Variants in MAPRE2 observed in about 807,000 individuals in gnomAD.
MAPRE2 encodes the protein microtubule associated protein RP/EB family member 2.
MAPRE2 carries 13 observed loss-of-function variants against 43.2 expected under a neutral mutation model. The observed-to-expected ratio is 0.30, with a 90% confidence interval of 0.20 to 0.48. MAPRE2 has a LOEUF of 0.48. Among genes scored for constraint, MAPRE2 ranks in the 20% least tolerant of loss-of-function variants. MAPRE2 has a pLI of 0.99. For synonymous variants in MAPRE2, 135 were observed against 148.8 expected (o/e 0.91, Z 0.68); for missense variants, 161 against 400.2 (o/e 0.40, Z 5.10).
At position 35,107,585 on chromosome 18, in the gene MAPRE2, G is replaced by T. The variant is rs16966463; in HGVS notation, c.610+5426G>T. Among the ~76,000 whole-genome samples the T allele has an allele frequency of 4.0e-3, 610 of 152,198 alleles. 5 individuals carry two copies. The highest frequency in any genetic ancestry group is 0.014 in the African/African-American group (578 of 41,512). ...CAGTAAAAAATAGCAGTAAGGAGTG[G>T]TTTTCATCCTTGTTCTGATCTTGGC... On this transcript the variant is annotated intron_variant, in intron 4 of 6. Transcript: ENST00000300249.
At chr18:35,127,148 C>T in intron 5 of MAPRE2, 61 bp downstream of exon 5, 1 of 1,563,520 alleles carries the variant, frequency 6.4e-7, no homozygotes, top group Non-Finnish European at 8.8e-7. Context: ...GGTAGGGGGC[C>T]TAGGATCCCC....
intron 1 of MAPRE2, among the ~76,000 whole-genome samples, chr18:34,992,477 A>G (rs2097024314): frequency 6.6e-6 from 1 of 152,218 alleles, no homozygotes; most frequent in African/African-American, 2.4e-5. Context: ...AGCCAACTCA[A>G]TTCACTTTTG....
At chr18:35,011,407 A>G (rs2097034595) in intron 2 of MAPRE2, among the ~76,000 whole-genome samples, 1 of 152,232 alleles carries the variant, frequency 6.6e-6, no homozygotes, top group Non-Finnish European at 1.5e-5. Flanking sequence ...CATATTAATG[A>G]AATTGAAAGA....
rs928197578 is a variant in MAPRE2 at position 35,032,504 on chromosome 18, G to A, written c.-8+26951G>A. ...TTCTAGATGAACCATATGTGTTGGA[G>A]AAGTGGAGGGATGATGATTTCTGTC... On this transcript the variant is annotated intron_variant, in intron 2 of 7. Coordinates refer to the MAPRE2 transcript ENST00000413393. 3.9e-5 allele frequency among the ~76,000 whole-genome samples: 6 copies of A among 152,162 alleles called. No homozygotes were observed. In the East Asian group the frequency reaches 9.6e-4, roughly 24 times the overall value.
At chr18:35,058,980 C>A (rs189840684) in intron 1 of MAPRE2, among the ~76,000 whole-genome samples, 2 of 152,124 alleles carry the variant, frequency 1.3e-5, no homozygotes. Flanking sequence ...TAAACCTCTC[C>A]GAGTCTGTAT....
chr18:34,999,809 C>T (rs1258717526), intron 1 of MAPRE2, among the ~76,000 whole-genome samples: 1 of 152,074 alleles, frequency 6.6e-6, no homozygotes, highest in Non-Finnish European at 1.5e-5. Flanking sequence ...TTTTTGGTTT[C>T]CCTGTTGTGT....
intron 2 of MAPRE2, among the ~76,000 whole-genome samples, chr18:35,020,501 A>G (rs1357271214): frequency 6.6e-6 from 1 of 151,220 alleles, no homozygotes; most frequent in Non-Finnish European, 1.5e-5. Flanking sequence ...AACCATTTGC[A>G]CCCTCTTTTA....
intron 2 of MAPRE2, among the ~76,000 whole-genome samples, chr18:35,088,026 A>C (rs1475980507): frequency 6.6e-6 from 1 of 152,236 alleles, no homozygotes; most frequent in Non-Finnish European, 1.5e-5. Context: ...CATCCATTTC[A>C]GGAGGGCTGA....
At chr18:35,111,934 A>G (rs545490512) in intron 4 of MAPRE2, among the ~76,000 whole-genome samples, 30 of 152,126 alleles carry the variant, frequency 2.0e-4, no homozygotes, top group African/African-American at 7.0e-4. Context: ...TATTCTTACA[A>G]TTTTCCAGTA....
intron 2 of MAPRE2, among the ~76,000 whole-genome samples, chr18:35,033,028 A>C (rs1481056492): frequency 1.3e-5 from 2 of 152,134 alleles, no homozygotes; most frequent in Non-Finnish European, 2.9e-5. Flanking sequence ...CATAAAATTC[A>C]TGTTTTTATG....
chr18:34,977,928 G>A (rs2097014118), intron 1 of MAPRE2, among the ~76,000 whole-genome samples: 1 of 152,162 alleles, frequency 6.6e-6, no homozygotes, highest in African/African-American at 2.4e-5. Flanking sequence ...CGATAAAGCT[G>A]ATTTTCAGAC....
chr18:34,986,060 G>A (rs1364820223), intron 1 of MAPRE2, among the ~76,000 whole-genome samples: 1 of 151,890 alleles, frequency 6.6e-6, no homozygotes, highest in Non-Finnish European at 1.5e-5. Flanking sequence ...CATCATGGCA[G>A]GAATGACTAT....
Position 35,112,015 on chromosome 18 carries a change from T to C in MAPRE2, c.610+9856T>C, listed in dbSNP as rs567710111. ...CACATACCATCCTACCCAAGTACCT[T>C]ACGTATGTCTTTAAGGATCAAATAT... On this transcript the variant is annotated intron_variant, in intron 4 of 6. Transcript: ENST00000300249. 2.5e-4 allele frequency among the ~76,000 whole-genome samples: 38 copies of C among 152,304 alleles called. No individual in the cohort carries two copies. The Middle Eastern group carries it at 0.01, about 41-fold the overall frequency.
At chr18:35,030,051 A>G (rs28673782) in intron 2 of MAPRE2, among the ~76,000 whole-genome samples, 39,511 of 152,156 alleles carry the variant, frequency 0.26, 6,313 homozygotes, top group African/African-American at 0.46. Flanking sequence ...TAATCACTAT[A>G]TAAGGACAAG....
At chr18:35,024,212 A>G (rs1195197270) in intron 2 of MAPRE2, among the ~76,000 whole-genome samples, 1 of 152,168 alleles carries the variant, frequency 6.6e-6, no homozygotes, top group Non-Finnish European at 1.5e-5. Context: ...TTCTGGAGCT[A>G]TCTTGTTCTG....
intron 2 of MAPRE2, among the ~76,000 whole-genome samples, chr18:35,011,670 T>A (rs1417179140): frequency 6.6e-6 from 1 of 152,128 alleles, no homozygotes; most frequent in Non-Finnish European, 1.5e-5. Flanking sequence ...ATGATTAGCA[T>A]CTGGCTATAG....
At chr18:35,105,247 T>G (rs1291397574) in intron 4 of MAPRE2, among the ~76,000 whole-genome samples, 1 of 152,190 alleles carries the variant, frequency 6.6e-6, no homozygotes, top group Non-Finnish European at 1.5e-5. Context: ...ATAAATTTTA[T>G]TTTTAATGTT....
At chr18:35,112,722 A>T (rs1038172814) in intron 4 of MAPRE2, among the ~76,000 whole-genome samples, 3 of 152,222 alleles carry the variant, frequency 2.0e-5, no homozygotes, top group Non-Finnish European at 2.9e-5. Context: ...CATGTGTAAG[A>T]TGTATAAAAG....
At chr18:35,127,134 A>G (rs1218375163) in intron 5 of MAPRE2, 47 bp downstream of exon 5, 4 of 1,609,540 alleles carry the variant, frequency 2.5e-6, no homozygotes, top group Non-Finnish European at 3.4e-6. Context: ...TGACGTGTGT[A>G]AGAGGTAGGG....
Sources: allele counts gnomAD v4.1 joint callset (sites outside exome capture counted in the v4.1 genomes callset), GRCh38; gene constraint gnomAD v4.1.1; transcripts MANE v1.5; gene names NCBI Gene and HGNC (gene_info 2026-07-23, HGNC 2026-07-21).